GPC6: variants seen among roughly 807,000 people sequenced by gnomAD.
GPC6 encodes glypican-6.
GPC6 carries 14 observed loss-of-function variants against 55.2 expected under a neutral mutation model. The ratio of observed to expected loss-of-function variants is 0.25; its 90% CI spans 0.17 to 0.40. The LOEUF (loss-of-function observed/expected upper bound fraction) is 0.40, where lower values mean the gene tolerates loss of function less well. Ranked by LOEUF, GPC6 falls within the 10% of genes least tolerant of loss-of-function variation. The pLI, the probability that GPC6 is intolerant of heterozygous loss-of-function variation, is 1.00. For synonymous variants in GPC6, 278 were observed against 259.6 expected, an observed-to-expected ratio of 1.07 and a Z score of -0.68; for missense variants, 641 against 708.5, an observed-to-expected ratio of 0.90 and a Z score of 1.08.
Position 93,423,828 on chromosome 13 carries a change from C to A in GPC6, c.161-121435C>A, listed in dbSNP as rs552488067. ...ATAGAAAGTGCTTCATGTATAATAT[C>A]TCATTAATAGAGATGGCTAATGGCA... is the stretch of plus-strand genomic sequence containing the variant. On this transcript the variant is annotated intron_variant, in intron 1 of 8. Coordinates refer to ENST00000377047, the MANE Select transcript of GPC6 (RefSeq NM_005708.5). Among the ~76,000 whole-genome samples the A allele has an allele frequency of 7.2e-5, 11 of 152,092 alleles. No homozygotes were observed. The South Asian group carries it at 1.2e-3, about 17-fold the overall frequency.
At chr13:93,676,121 AAAAAAATATATATAT>A (rs1297085024) in intron 2 of GPC6, among the ~76,000 whole-genome samples, 6 of 11,976 alleles carry the variant, frequency 5.0e-4, no homozygotes, top group Admixed American at 2.8e-3. Context: ...AAAAAAAAAA[AAAAAAATATATATAT>A]ATATATATAT....
chr13:94,173,169 T>C lies in GPC6; in HGVS notation c.878-113180T>C, dbSNP rs537772507. Reference sequence around the variant, plus strand: ...CCCACATTTTTAAGGAATGAAAGACTGTTGAAGCTCATGGAAACTGAAGAG... The same window carrying C: ...CCCACATTTTTAAGGAATGAAAGACCGTTGAAGCTCATGGAAACTGAAGAG... On this transcript the variant is annotated intron_variant, in intron 4 of 8. Coordinates refer to ENST00000377047, the MANE Select transcript of GPC6 (RefSeq NM_005708.5). Among the ~76,000 whole-genome samples, 39 of 152,312 alleles carry C rather than the reference T, an allele frequency of 2.6e-4. No homozygotes were observed. The South Asian group carries it at 5.8e-3, about 23-fold the overall frequency.
chr13:93,976,475 G>T (rs921486501), intron 3 of GPC6, among the ~76,000 whole-genome samples: 3 of 151,650 alleles, frequency 2.0e-5, no homozygotes, highest in Non-Finnish European at 4.4e-5. Context: ...AATGACTAAA[G>T]AATTAATACG....
intron 2 of GPC6, among the ~76,000 whole-genome samples, chr13:93,605,380 A>G (rs1465643963): frequency 1.3e-5 from 2 of 152,228 alleles, no homozygotes; most frequent in Non-Finnish European, 2.9e-5. Flanking sequence ...CAACAGATGA[A>G]TAGTTATTGC....
At chr13:94,109,691 TATTATGGACAAAAATTCATC>T in intron 4 of GPC6, among the ~76,000 whole-genome samples, 1 of 152,320 alleles carries the variant, frequency 6.6e-6, no homozygotes, top group Non-Finnish European at 1.5e-5. Flanking sequence ...GATTTGTGTG[TATTATGGACAAAAATTCATC>T]ATAATTCTAA....
chr13:93,450,552 T>A (rs1405867496), intron 1 of GPC6, among the ~76,000 whole-genome samples: 1 of 152,212 alleles, frequency 6.6e-6, no homozygotes, highest in African/African-American at 2.4e-5. Context: ...ACCACTCTCT[T>A]CTTTGCAGCT....
chr13:93,998,186 T>A (rs1039876713), intron 3 of GPC6, among the ~76,000 whole-genome samples: 2 of 152,228 alleles, frequency 1.3e-5, no homozygotes, highest in Admixed American at 1.3e-4. Flanking sequence ...ATTATTTCCA[T>A]CATACAGATA....
At chr13:93,989,414 T>A (rs1247102762) in intron 3 of GPC6, among the ~76,000 whole-genome samples, 1 of 152,208 alleles carries the variant, frequency 6.6e-6, no homozygotes, top group Non-Finnish European at 1.5e-5. Flanking sequence ...AAACCACCGC[T>A]GCTCACCTGC....
intron 2 of GPC6, among the ~76,000 whole-genome samples, chr13:93,623,884 T>G (rs1390381722): frequency 6.6e-6 from 1 of 152,182 alleles, no homozygotes; most frequent in East Asian, 1.9e-4. Flanking sequence ...GTCATTTGTA[T>G]GTTTTCTGAG....
intron 4 of GPC6, among the ~76,000 whole-genome samples, chr13:94,155,736 G>T (rs591981): frequency 6.6e-6 from 1 of 151,918 alleles, no homozygotes; most frequent in African/African-American, 2.4e-5. Flanking sequence ...TTCAGTGACT[G>T]CTATTTCCAT....
At chr13:93,614,516 G>A (rs1385303766) in intron 2 of GPC6, among the ~76,000 whole-genome samples, 1 of 152,082 alleles carries the variant, frequency 6.6e-6, no homozygotes, top group Non-Finnish European at 1.5e-5. Context: ...TGGCGGTGAC[G>A]ATTAAATGAA....
intron 2 of GPC6, among the ~76,000 whole-genome samples, chr13:93,575,541 G>T (rs756188547): frequency 2.5e-4 from 38 of 152,144 alleles, no homozygotes; most frequent in Non-Finnish European, 4.9e-4. Flanking sequence ...TATGCTGCTG[G>T]TCCATGGAGC....
intron 3 of GPC6, among the ~76,000 whole-genome samples, chr13:93,955,977 G>A (rs1566621277): frequency 6.6e-6 from 1 of 151,760 alleles, no homozygotes; most frequent in East Asian, 1.9e-4. Context: ...CAGCATTTTG[G>A]CTCACTCATT....
At chr13:93,689,326 T>G (rs1169893563) in intron 2 of GPC6, among the ~76,000 whole-genome samples, 1 of 152,118 alleles carries the variant, frequency 6.6e-6, no homozygotes, top group East Asian at 1.9e-4. Context: ...GATATGTTTT[T>G]TGTCTTCAGT....
intron 7 of GPC6, among the ~76,000 whole-genome samples, chr13:94,396,818 C>A (rs1880916744): frequency 6.6e-6 from 1 of 152,140 alleles, no homozygotes; most frequent in African/African-American, 2.4e-5. Flanking sequence ...AGTTGATGAT[C>A]CTCCAGGCAG....
intron 5 of GPC6, among the ~76,000 whole-genome samples, chr13:94,288,832 T>TTATATATATAACTAA (rs373813396): frequency 2.5e-5 from 1 of 40,108 alleles, no homozygotes; most frequent in Non-Finnish European, 5.3e-5. Context: ...TATATATTTG[T>TTATATATATAACTAA]TATATATAAC....
At chr13:93,671,738 C>T (rs890493506) in intron 2 of GPC6, among the ~76,000 whole-genome samples, 1 of 152,082 alleles carries the variant, frequency 6.6e-6, no homozygotes, top group African/African-American at 2.4e-5. Flanking sequence ...TTGCAGGTCT[C>T]ACCTCCAAAA....
chr13:93,359,204 A>C (rs747062169), intron 1 of GPC6, among the ~76,000 whole-genome samples: 4 of 152,056 alleles, frequency 2.6e-5, no homozygotes, highest in African/African-American at 4.8e-5. Context: ...TGGCTGAAGC[A>C]ATCTTCCAGC....
At chr13:94,095,413 GAAGT>G (rs968416481) in intron 4 of GPC6, among the ~76,000 whole-genome samples, 2 of 152,112 alleles carry the variant, frequency 1.3e-5, no homozygotes, top group Non-Finnish European at 2.9e-5. Flanking sequence ...AAATGTAAAA[GAAGT>G]AAGTTAAATT....
Sources: gnomAD v4.1 joint callset for allele counts (sites outside exome capture counted in the v4.1 genomes callset) on GRCh38, gnomAD v4.1.1 for gene constraint, MANE v1.5 for transcripts, NCBI Gene and HGNC (gene_info 2026-07-23, HGNC 2026-07-21) for gene names.